PCDH10: variants seen among roughly 807,000 people sequenced by gnomAD.
PCDH10 encodes protocadherin 10.
In PCDH10, 15 loss-of-function variants were observed where a neutral mutation model predicts 74.4. That is an observed-to-expected ratio of 0.20 (90% CI 0.13 to 0.31). The LOEUF (loss-of-function observed/expected upper bound fraction) is 0.31. PCDH10 is among the 10% of genes least tolerant of loss of function. The pLI, the probability that PCDH10 is intolerant of heterozygous loss-of-function variation, is 1.00. For synonymous variants in PCDH10, 619 were observed against 589.8 expected (o/e 1.05, Z -0.72); for missense variants, 1,260 against 1,390.2 (o/e 0.91, Z 1.49).
intron 2 of PCDH10, 23 bp downstream of exon 2, chr4:133,154,388 G>A (rs762281201): frequency 6.8e-7 from 1 of 1,479,740 alleles, no homozygotes; most frequent in Non-Finnish European, 9.3e-7. Context: ...TTTTTCCCTA[G>A]CAGTAATGGA....
Position 133,152,996 on chromosome 4 carries a change from G to C in PCDH10, c.2631+225G>C, listed in dbSNP as rs1380310999. On this transcript the variant is annotated intron_variant, in intron 1 of 4. Coordinates refer to ENST00000264360, the MANE Select transcript of PCDH10 (RefSeq NM_032961.3). ...ACATTTATTTTCATTCCGTCCCCTT[G>C]GTACTTTGCCACCTTGGAGCTCCCT... is the stretch of plus-strand genomic sequence containing the variant. 9 of 1,439,322 alleles carry C rather than the reference G, an allele frequency of 6.3e-6. No homozygotes were observed. In the East Asian group the frequency reaches 2.0e-4, roughly 32 times the overall value. The allele number at this position is 1,439,322 out of a possible 1,614,324, so 89.2% of individuals were successfully genotyped here.
rs1467612854 is a variant in PCDH10, at chr4:133,150,725, G to A, written c.585G>A (p.Ala195=). ...AGCCACTGGACCGAGAGCAGCAAGCGGTGCACCGCTACGTGCTGACCGCGG... is the reference window on the plus strand; with the variant it reads ...AGCCACTGGACCGAGAGCAGCAAGCAGTGCACCGCTACGTGCTGACCGCGG... The part of the protein sequence containing the change: ...LEKPLDREQQ[A]VHRYVLTAVD... Residue 195 remains alanine, a synonymous_variant, in exon 1 of 5, where the codon GCG becomes GCA. Coordinates refer to ENST00000264360, the MANE Select transcript of PCDH10 (RefSeq NM_032961.3). The A allele has an allele frequency of 1.2e-6, 2 of 1,612,338 alleles. No individual in the cohort carries two copies. Among genetic ancestry groups the A allele is most frequent in the Non-Finnish European group, 1.7e-6 (2 of 1,179,540 alleles).
intron 4 of PCDH10, among the ~76,000 whole-genome samples, chr4:133,180,206 ATCATTGG>A (rs1727385949): frequency 6.6e-6 from 1 of 152,038 alleles, no homozygotes; most frequent in South Asian, 2.1e-4. Flanking sequence ...TCTGCCACGT[ATCATTGG>A]AAAACGTATA....
Position 133,190,156 on chromosome 4 carries a change from G to T in PCDH10, c.3119G>T (p.Cys1040Phe). The T allele has an allele frequency of 6.2e-7, 1 of 1,612,058 alleles. No homozygotes were observed. Among genetic ancestry groups the T allele is most frequent in the Non-Finnish European group, 8.5e-7 (1 of 1,178,352 alleles). Residue 1040 changes from cysteine to phenylalanine, a missense_variant, in exon 5 of 5, where the codon TGC becomes TTC. By Grantham distance (205) the Cys-to-Phe change is radical. This residue lies in a region of PCDH10 where 136 missense variants were observed against 149.3 expected (regional missense o/e 0.91). Coordinates refer to ENST00000264360, the MANE Select transcript of PCDH10 (RefSeq NM_032961.3). ...TTTTTCACAGCACGGAAAAGGATAT[G>T]CTAGTCAATTCTACAGGACTTACCT... ...KPPYLTRKRI[C>F]
rs911351652 is a variant in PCDH10 at position 133,191,067 on chromosome 4, A to T, written c.*907A>T. 1 of 152,402 alleles carries T rather than the reference A, an allele frequency of 6.6e-6. No individual in the cohort carries two copies. Among genetic ancestry groups the T allele is most frequent in the African/African-American group, 2.4e-5 (1 of 41,438 alleles). 9.4% of individuals were successfully genotyped at this position (152,402 alleles called of 1,614,324 possible). A position where few individuals can be genotyped will look rare whatever the true frequency, so the allele number is the denominator to read the frequency against. On this transcript the variant is annotated 3_prime_UTR_variant, in exon 5 of 5. Transcript: ENST00000264360. Reference sequence around the variant, plus strand: ...AGCACTGACTATGTACTATCAAACTATCTAACAATCTGCATAAGTCTGATT... The same window carrying T: ...AGCACTGACTATGTACTATCAAACTTTCTAACAATCTGCATAAGTCTGATT...
At chr4:133,188,554 A>T (rs1379815965) in intron 4 of PCDH10, among the ~76,000 whole-genome samples, 1 of 151,906 alleles carries the variant, frequency 6.6e-6, no homozygotes. Flanking sequence ...GATATCATAC[A>T]TTACAAAATA....
Position 133,150,612 on chromosome 4 carries a change from G to T in PCDH10, c.472G>T (p.Asp158Tyr). Residue 158 changes from aspartate (D) to tyrosine (Y), a missense_variant, in exon 1 of 5, where the codon GAC becomes TAC. Transcript: ENST00000264360. ...DPDVGTNSLR[D>Y]YEITPNSYFS... ...AGACGTGGGCACCAACTCCTTGCGC[G>T]ACTACGAGATCACCCCCAACAGCTA... The T allele has an allele frequency of 1.2e-6, 2 of 1,613,454 alleles. No individual in the cohort carries two copies. The highest frequency in any genetic ancestry group is 1.7e-6 in the Non-Finnish European group (2 of 1,179,990).
intron 4 of PCDH10, among the ~76,000 whole-genome samples, chr4:133,173,034 A>G (rs1727230206): frequency 6.6e-6 from 1 of 151,968 alleles, no homozygotes; most frequent in Admixed American, 6.6e-5. Flanking sequence ...TGGCTTTTAT[A>G]GAAACAAATA....
rs750578293 is a variant in PCDH10 at position 133,150,871 on chromosome 4, A to G, written c.731A>G (p.Asn244Ser). ...CTCACCATCCGAGTGCTGGACTCCA[A>G]TGACAATGTGCCCGCTTTCGACCAA... ...ALLTIRVLDS[N>S]DNVPAFDQPV... Residue 244 changes from asparagine (N) to serine (S), a missense_variant, in exon 1 of 5, where the codon AAT becomes AGT. Physicochemically the swap from Asn to Ser is conservative, Grantham distance 46. This residue lies in a region of PCDH10 where 192 missense variants were observed against 161.2 expected (regional missense o/e 1.19). Transcript: ENST00000264360. 6.2e-7 allele frequency: 1 copy of G among 1,610,282 alleles called. No individual in the cohort carries two copies. Among genetic ancestry groups the G allele is most frequent in the Non-Finnish European group, 8.5e-7 (1 of 1,179,052 alleles).
chr4:133,193,925 T>G lies in PCDH10; in HGVS notation c.*3765T>G, dbSNP rs891029179. On this transcript the variant is annotated 3_prime_UTR_variant, in exon 5 of 5. Coordinates refer to ENST00000264360, the MANE Select transcript of PCDH10 (RefSeq NM_032961.3). Reference sequence around the variant, plus strand: ...GAAAATAATGGAATTCCATATTTTTTACACCATGGAGTAGTAAAATTATTT... The same window carrying G: ...GAAAATAATGGAATTCCATATTTTTGACACCATGGAGTAGTAAAATTATTT... The G allele has an allele frequency of 6.6e-6, 1 of 151,764 alleles. No individual in the cohort carries two copies. Among genetic ancestry groups the G allele is most frequent in the East Asian group, 1.9e-4 (1 of 5,192 alleles). The allele number at this position is 151,764 out of a possible 1,614,324, so 9.4% of individuals were successfully genotyped here.
At chr4:133,204,624 G>A (rs1487729591) in intron 2 of PCDH10, among the ~76,000 whole-genome samples, 1 of 152,190 alleles carries the variant, frequency 6.6e-6, no homozygotes, top group South Asian at 2.1e-4. Context: ...TTAGTGGTTT[G>A]TTCCAATTTG....
chr4:133,203,212 G>A lies in PCDH10; in HGVS notation n.438-4864G>A, dbSNP rs550188291. ...TGTCAGCTTATGGCCATGGTATAGAGATAGTATAGACATTACAGGAGCAAT... is the reference window on the plus strand; with the variant it reads ...TGTCAGCTTATGGCCATGGTATAGAAATAGTATAGACATTACAGGAGCAAT... On this transcript the variant is annotated intron_variant and non_coding_transcript_variant, in intron 2 of 2. Coordinates refer to the PCDH10 transcript ENST00000511112. Among the ~76,000 whole-genome samples, 504 of 152,240 alleles carry A rather than the reference G, an allele frequency of 3.3e-3. 6 individuals carry two copies. The highest frequency in any genetic ancestry group is 5.4e-3 in the Admixed American group (83 of 15,292).
chr4:133,196,823 T>A (rs561491033), downstream of PCDH10, among the ~76,000 whole-genome samples: 2 of 152,330 alleles, frequency 1.3e-5, no homozygotes, highest in Non-Finnish European at 2.9e-5. Context: ...TTTTCTCAGT[T>A]AAAATTTTGC....
chr4:133,163,884 A>G, intron 4 of PCDH10: 1 of 440,300 alleles, frequency 2.3e-6, no homozygotes, highest in Non-Finnish European at 4.5e-6. Flanking sequence ...AAAAACTTAA[A>G]GGAAAAAAAC....
chr4:133,149,305 G>C lies in PCDH10; in HGVS notation c.-836G>C. 1 of 152,612 alleles carries C rather than the reference G, an allele frequency of 6.6e-6. No individual in the cohort carries two copies. Among genetic ancestry groups the C allele is most frequent in the Non-Finnish European group, 1.5e-5 (1 of 68,130 alleles). The allele number at this position is 152,612 out of a possible 1,614,324, so 9.5% of individuals were successfully genotyped here. ...AGCGCTCGGAGCTCAGAAACTGCCA[G>C]CCCAGACCACAGGCTCAGAGGCTGA... On this transcript the variant is annotated 5_prime_UTR_variant, in exon 1 of 5. Coordinates refer to ENST00000264360, the MANE Select transcript of PCDH10 (RefSeq NM_032961.3).
chr4:133,205,665 G>C (rs1028934822), intron 2 of PCDH10, among the ~76,000 whole-genome samples: 2 of 151,684 alleles, frequency 1.3e-5, no homozygotes, highest in Non-Finnish European at 2.9e-5. Flanking sequence ...TCCTCTACTT[G>C]TCTGTCAATT....
In PCDH10 at chr4:133,150,306, G is replaced by A; in HGVS notation, c.166G>A (p.Val56Met). 1 of 1,613,870 alleles carries A rather than the reference G, an allele frequency of 6.2e-7. No individual in the cohort carries two copies. The change falls in exon 1 of 5, where the codon GTG becomes ATG. Residue 56 changes from valine (V) to methionine (M), a missense_variant. This residue lies in a region of PCDH10 where 103 missense variants were observed against 91.5 expected (regional missense o/e 1.13). Transcript: ENST00000264360. ...TKLSARGFQT[V>M]PNSRTPYLDL... ...ACTTTCGGCTCGCGGGTTTCAGACG[G>A]TGCCCAACTCAAGGACCCCTTACTT...
chr4:133,168,593 A>G (rs903489940), intron 4 of PCDH10, among the ~76,000 whole-genome samples: 1 of 151,646 alleles, frequency 6.6e-6, no homozygotes, highest in African/African-American at 2.4e-5. Flanking sequence ...TATAAGTACT[A>G]TGTTTTGCAA....
At position 133,190,297 on chromosome 4, in the gene PCDH10, C is replaced by G; in HGVS notation, c.*137C>G. Reference sequence around the variant, plus strand: ...AGTATTAGATTTCGGATGGAGTCATCATGGCCAATTATAGGACCTAATTGC... The same window carrying G: ...AGTATTAGATTTCGGATGGAGTCATGATGGCCAATTATAGGACCTAATTGC... On this transcript the variant is annotated 3_prime_UTR_variant, in exon 5 of 5. Transcript: ENST00000264360. The G allele has an allele frequency of 3.9e-6, 3 of 762,276 alleles. No homozygotes were observed. The highest frequency in any genetic ancestry group is 7.0e-6 in the Non-Finnish European group (3 of 427,448). The allele number at this position is 762,276 out of a possible 1,614,324, so 47.2% of individuals were successfully genotyped here.
Sources: allele counts gnomAD v4.1 joint callset (sites outside exome capture counted in the v4.1 genomes callset), GRCh38; gene constraint gnomAD v4.1.1; regional missense constraint gnomAD v4.1.1; transcripts MANE v1.5; gene names NCBI Gene and HGNC (gene_info 2026-07-23, HGNC 2026-07-21).